GTF2A2: variants seen among roughly 807,000 people sequenced by gnomAD.
GTF2A2 encodes transcription initiation factor IIA subunit 2.
In GTF2A2, 9 loss-of-function variants were observed where a neutral mutation model predicts 14.3. That is an observed-to-expected ratio of 0.63 (90% CI 0.38 to 1.10). GTF2A2 has a LOEUF of 1.10. GTF2A2 is among the 50% of genes least tolerant of loss of function. The pLI is 0.01. For synonymous variants in GTF2A2, 56 were observed against 46.0 expected, an observed-to-expected ratio of 1.22 and a Z score of -0.88; for missense variants, 90 against 124.6, an observed-to-expected ratio of 0.72 and a Z score of 1.32.
At chr15:59,653,851 G>C (rs1013461811) in intron 1 of GTF2A2, among the ~76,000 whole-genome samples, 1 of 152,148 alleles carries the variant, frequency 6.6e-6, no homozygotes, top group Non-Finnish European at 1.5e-5. Flanking sequence ...CTCGGTAACA[G>C]TAAACATAGT....
intron 4 of GTF2A2, among the ~76,000 whole-genome samples, chr15:59,640,853 T>G: frequency 2.8e-4 from 1 of 3,536 alleles, no homozygotes; most frequent in Admixed American, 5.7e-3. Context: ...AAGACCCAAA[T>G]ATTGTTCCTT....
chr15:59,648,376 C>A (rs1483177584), intron 3 of GTF2A2, among the ~76,000 whole-genome samples: 3 of 137,750 alleles, frequency 2.2e-5, no homozygotes, highest in African/African-American at 5.5e-5. Flanking sequence ...CCACTGCATT[C>A]CAGCCTGGGT....
chr15:59,639,512 G>A (rs1007731758), intron 4 of GTF2A2, among the ~76,000 whole-genome samples: 3 of 149,626 alleles, frequency 2.0e-5, no homozygotes, highest in South Asian at 2.1e-4. Flanking sequence ...CCAGGCTGGA[G>A]TGCAGTGGCG....
intron 2 of GTF2A2, 170 bp downstream of exon 2, chr15:59,652,036 C>G (rs578170823): frequency 3.7e-6 from 2 of 543,424 alleles, no homozygotes; most frequent in Non-Finnish European, 6.5e-6. Flanking sequence ...GTCCTGTTGT[C>G]AGGACAGTGT....
chr15:59,642,725 C>G (rs556516532), intron 3 of GTF2A2, among the ~76,000 whole-genome samples: 1 of 152,234 alleles, frequency 6.6e-6, no homozygotes, highest in Non-Finnish European at 1.5e-5. Flanking sequence ...GTCACTAAGA[C>G]TACAACATTC....
intron 4 of GTF2A2, among the ~76,000 whole-genome samples, chr15:59,640,694 C>T (rs781442727): frequency 6.6e-6 from 1 of 151,762 alleles, no homozygotes; most frequent in Admixed American, 6.6e-5. Context: ...TAAATTAATC[C>T]CTGAATTCTA....
chr15:59,639,313 A>G (rs544274097), intron 4 of GTF2A2, among the ~76,000 whole-genome samples, 156 bp from the exon 5 acceptor site: 4 of 152,210 alleles, frequency 2.6e-5, no homozygotes, highest in African/African-American at 9.6e-5. Flanking sequence ...GACACTGTAA[A>G]TATGTTGAAC....
At chr15:59,656,006 C>T (rs1354945647) in intron 1 of GTF2A2, among the ~76,000 whole-genome samples, 1 of 152,180 alleles carries the variant, frequency 6.6e-6, no homozygotes, top group Non-Finnish European at 1.5e-5. Context: ...TGCTTCTACA[C>T]TCACCCCTAC....
intron 3 of GTF2A2, among the ~76,000 whole-genome samples, chr15:59,649,075 T>G (rs969843480): frequency 6.6e-6 from 1 of 152,232 alleles, no homozygotes; most frequent in Non-Finnish European, 1.5e-5. Flanking sequence ...AAATTTGATC[T>G]AGCAAAATGG....
intron 3 of GTF2A2, among the ~76,000 whole-genome samples, chr15:59,649,067 A>C (rs1157134223): frequency 2.0e-5 from 3 of 152,240 alleles, no homozygotes; most frequent in African/African-American, 7.2e-5. Flanking sequence ...ATATACCTAA[A>C]TTTGATCTAG....
intron 1 of GTF2A2, among the ~76,000 whole-genome samples, chr15:59,655,030 C>T (rs776708505): frequency 6.6e-6 from 1 of 152,178 alleles, no homozygotes; most frequent in Non-Finnish European, 1.5e-5. Flanking sequence ...TAGTTGAACT[C>T]TATACCTATT....
chr15:59,656,838 G>A (rs1230690126), intron 1 of GTF2A2: 1 of 152,168 alleles, frequency 6.6e-6, no homozygotes, highest in Non-Finnish European at 1.5e-5. Context: ...TCCTTGTTAA[G>A]TGTTCTAATC....
At chr15:59,647,325 C>T (rs1213993560) in intron 3 of GTF2A2, among the ~76,000 whole-genome samples, 1 of 152,154 alleles carries the variant, frequency 6.6e-6, no homozygotes, top group African/African-American at 2.4e-5. Context: ...TCTTGAACTC[C>T]TGCCCTCAAG....
At position 59,639,017 on chromosome 15, in the gene GTF2A2, A is replaced by G; in HGVS notation, c.*115T>C. 1 of 700,282 alleles carries G rather than the reference A, an allele frequency of 1.4e-6. No homozygotes were observed. Among genetic ancestry groups the G allele is most frequent in the South Asian group, 1.5e-5 (1 of 65,474 alleles). The allele number at this position is 700,282 out of a possible 1,614,324, so 43.4% of individuals were successfully genotyped here. A position where few individuals can be genotyped will look rare whatever the true frequency, so the allele number is the denominator to read the frequency against. On this transcript the variant is annotated 3_prime_UTR_variant, in exon 5 of 5. Coordinates refer to ENST00000396060, the MANE Select transcript of GTF2A2 (RefSeq NM_004492.3). ...TTTCTTTCTACTGGAATTCTCTGGT[A>G]TAGCACAGTGTAGTCATTTCTGCAA...
intron 1 of GTF2A2, among the ~76,000 whole-genome samples, chr15:59,653,348 G>A (rs1292273836): frequency 6.6e-6 from 1 of 152,130 alleles, no homozygotes; most frequent in Non-Finnish European, 1.5e-5. Context: ...AAATACATTT[G>A]AGGAGCAATC....
At chr15:59,642,792 G>C (rs1224275326) in intron 3 of GTF2A2, among the ~76,000 whole-genome samples, 1 of 152,090 alleles carries the variant, frequency 6.6e-6, no homozygotes, top group Non-Finnish European at 1.5e-5. Context: ...TTTTGAGATG[G>C]AGTCTTGCTC....
chr15:59,645,310 T>C (rs74019651), intron 3 of GTF2A2, among the ~76,000 whole-genome samples: 4,023 of 151,634 alleles, frequency 0.027, 163 homozygotes, highest in African/African-American at 0.093. Flanking sequence ...AGCCAGAGGG[T>C]TGGATGAGAC....
At chr15:59,650,518 A>G (rs1208527534) in intron 3 of GTF2A2, 151 bp downstream of exon 3, 1 of 511,426 alleles carries the variant, frequency 2.0e-6, no homozygotes, top group African/African-American at 1.9e-5. Context: ...GTTGATTGAA[A>G]AGTATAATTT....
chr15:59,645,635 C>T (rs1455513392), intron 3 of GTF2A2, among the ~76,000 whole-genome samples: 1 of 152,154 alleles, frequency 6.6e-6, no homozygotes, highest in Non-Finnish European at 1.5e-5. Flanking sequence ...AATTAGATCT[C>T]CTCGTTTGCT....
Sources: allele counts gnomAD v4.1 joint callset (sites outside exome capture counted in the v4.1 genomes callset), GRCh38; gene constraint gnomAD v4.1.1; transcripts MANE v1.5; gene names NCBI Gene and HGNC (gene_info 2026-07-23, HGNC 2026-07-21).